KCNH8: variants seen among roughly 807,000 people sequenced by gnomAD.
KCNH8 encodes voltage-gated delayed rectifier potassium channel KCNH8.
A neutral mutation model predicts 103.6 loss-of-function variants in KCNH8; 70 were observed. The observed-to-expected ratio is 0.68, with a 90% confidence interval of 0.56 to 0.82. The LOEUF is 0.82. Ranked by LOEUF, KCNH8 falls within the 40% of genes least tolerant of loss-of-function variation. The probability of loss-of-function intolerance (pLI) is 0.00; values close to 1 mark genes in which losing one functional copy is unlikely to be tolerated. For missense variants in KCNH8, 1,217 were observed against 1,329.9 expected, an observed-to-expected ratio of 0.92 and a Z score of 1.32; for synonymous variants, 498 against 489.4, an observed-to-expected ratio of 1.02 and a Z score of -0.23.
intron 5 of KCNH8, among the ~76,000 whole-genome samples, chr3:19,364,952 C>T (rs763783602): frequency 2.6e-5 from 4 of 152,116 alleles, no homozygotes; most frequent in Non-Finnish European, 5.9e-5. Flanking sequence ...CCATATGAAA[C>T]TGCAGAGCAG....
chr3:19,260,849 G>A (rs1393823944), intron 2 of KCNH8, among the ~76,000 whole-genome samples: 7 of 149,108 alleles, frequency 4.7e-5, no homozygotes, highest in African/African-American at 7.3e-5. Context: ...ATATAAGTGA[G>A]ATAATGCAAG....
chr3:19,418,018 G>A (rs776519571), intron 7 of KCNH8, among the ~76,000 whole-genome samples: 1 of 152,158 alleles, frequency 6.6e-6, no homozygotes, highest in Non-Finnish European at 1.5e-5. Flanking sequence ...TTAGTTTGAT[G>A]TATGTTTGCA....
intron 15 of KCNH8, among the ~76,000 whole-genome samples, chr3:19,526,359 T>A (rs992284665): frequency 2.0e-5 from 3 of 151,928 alleles, no homozygotes; most frequent in African/African-American, 7.2e-5. Flanking sequence ...GCACAAGAAT[T>A]TTACACCAAT....
intron 1 of KCNH8, among the ~76,000 whole-genome samples, chr3:19,178,935 C>A (rs560587418): frequency 5.9e-5 from 9 of 152,026 alleles, no homozygotes; most frequent in Non-Finnish European, 1.3e-4. Context: ...AGATGCGACA[C>A]TAAAAGCAAA....
chr3:19,312,533 C>CT (rs1417033373), intron 3 of KCNH8, among the ~76,000 whole-genome samples: 4 of 151,892 alleles, frequency 2.6e-5, no homozygotes, highest in Non-Finnish European at 5.9e-5. Flanking sequence ...AATGGGAACT[C>CT]TGACTACCTG....
chr3:19,453,756 C>T (rs1422817557), intron 10 of KCNH8, among the ~76,000 whole-genome samples: 1 of 152,098 alleles, frequency 6.6e-6, no homozygotes, highest in Non-Finnish European at 1.5e-5. Flanking sequence ...TTGTGAATCA[C>T]AAAATGAGCC....
At chr3:19,287,059 T>C (rs1438617429) in intron 3 of KCNH8, among the ~76,000 whole-genome samples, 1 of 151,490 alleles carries the variant, frequency 6.6e-6, no homozygotes, top group Non-Finnish European at 1.5e-5. Flanking sequence ...GAGAGAGTTA[T>C]GGACTGAAGG....
At chr3:19,184,964 T>G (rs2063488770) in intron 1 of KCNH8, among the ~76,000 whole-genome samples, 1 of 151,958 alleles carries the variant, frequency 6.6e-6, no homozygotes, top group African/African-American at 2.4e-5. Context: ...TTTTGTTATT[T>G]TATATTGGCA....
chr3:19,490,969 C>T (rs2068307331), intron 11 of KCNH8, among the ~76,000 whole-genome samples: 1 of 152,078 alleles, frequency 6.6e-6, no homozygotes, highest in Non-Finnish European at 1.5e-5. Context: ...TCACTTCTAG[C>T]TTTAAAATGC....
In KCNH8 at chr3:19,513,241, C is replaced by G. The variant is rs767972129; in HGVS notation, c.2351C>G (p.Pro784Arg). Residue 784 changes from proline to arginine, a missense_variant, in exon 13 of 16, where the codon CCC becomes CGC. Around this residue, in one of 3 missense-constraint regions of KCNH8, gnomAD observed 558 missense variants for 495.8 expected, o/e 1.13. Coordinates refer to ENST00000328405, the MANE Select transcript of KCNH8 (RefSeq NM_144633.3). ...SPKTKQEIDP[P>R]NHNKRKEKNL... ...AAAACCAAGCAGGAAATTGACCCCC[C>G]CAACCATAATAAAAGGAAAGAGAAG... 20 of 1,613,790 alleles carry G rather than the reference C, an allele frequency of 1.2e-5. No homozygotes were observed. Among genetic ancestry groups the G allele is most frequent in the Middle Eastern group, 1.7e-4 (1 of 6,056 alleles).
chr3:19,247,260 G>A (rs1318203922), intron 1 of KCNH8, among the ~76,000 whole-genome samples: 1 of 152,190 alleles, frequency 6.6e-6, no homozygotes, highest in East Asian at 1.9e-4. Context: ...AAGTCATGCT[G>A]TAAACTTTAG....
chr3:19,358,274 TTC>T (rs71806258), intron 5 of KCNH8, among the ~76,000 whole-genome samples: 15,484 of 151,050 alleles, frequency 0.1, 841 homozygotes, highest in Middle Eastern at 0.16. Context: ...TTTTTCCTTC[TTC>T]TCTCTTTCTC....
At chr3:19,303,709 A>G (rs998917601) in intron 3 of KCNH8, among the ~76,000 whole-genome samples, 2 of 152,254 alleles carry the variant, frequency 1.3e-5, no homozygotes, top group Non-Finnish European at 2.9e-5. Context: ...GGGTTCTGAT[A>G]TAGTCACAAA....
intron 3 of KCNH8, among the ~76,000 whole-genome samples, chr3:19,286,705 A>G (rs1405302808): frequency 6.6e-6 from 1 of 152,236 alleles, no homozygotes; most frequent in Non-Finnish European, 1.5e-5. Context: ...TGCCCAATGC[A>G]ATGTAAATGC....
chr3:19,515,446 T>A lies in KCNH8; in HGVS notation c.2542+18T>A. The A allele has an allele frequency of 7.8e-7, 1 of 1,286,342 alleles. No homozygotes were observed. The highest frequency in any genetic ancestry group is 1.1e-6 in the Non-Finnish European group (1 of 938,980). 79.7% of individuals were successfully genotyped at this position (1,286,342 alleles called of 1,614,324 possible). A position where few individuals can be genotyped will look rare whatever the true frequency, so the allele number is the denominator to read the frequency against. ...TCTTGGAGGTAAGATCTATATTTAG[T>A]CTTCTCCTAAGGTAAAATATTTCTT... is the stretch of plus-strand genomic sequence containing the variant. On this transcript the variant is annotated intron_variant, in intron 14 of 15. Coordinates refer to ENST00000328405, the MANE Select transcript of KCNH8 (RefSeq NM_144633.3).
intron 11 of KCNH8, among the ~76,000 whole-genome samples, chr3:19,505,887 G>A (rs1185183730): frequency 1.3e-5 from 2 of 151,986 alleles, no homozygotes; most frequent in South Asian, 2.1e-4. Flanking sequence ...TGTATTTTCT[G>A]TTTTACTGAG....
intron 5 of KCNH8, among the ~76,000 whole-genome samples, chr3:19,361,769 G>A (rs2065949895): frequency 6.6e-6 from 1 of 152,024 alleles, no homozygotes; most frequent in African/African-American, 2.4e-5. Context: ...TGCTTAAAAT[G>A]CTTTATTAAC....
intron 1 of KCNH8, among the ~76,000 whole-genome samples, chr3:19,220,560 C>G (rs562196729): frequency 1.3e-5 from 2 of 151,964 alleles, no homozygotes; most frequent in African/African-American, 4.8e-5. Context: ...AGGAAGGACT[C>G]CCTACACAGA....
intron 5 of KCNH8, among the ~76,000 whole-genome samples, chr3:19,371,792 G>A (rs2066100355): frequency 1.3e-5 from 2 of 151,372 alleles, no homozygotes; most frequent in Admixed American, 6.6e-5. Flanking sequence ...TTTTGTATAA[G>A]ATGTAAGGAA....
Sources: gnomAD v4.1 joint callset for allele counts (sites outside exome capture counted in the v4.1 genomes callset) on GRCh38, gnomAD v4.1.1 for gene constraint, gnomAD v4.1.1 regional missense constraint, MANE v1.5 for transcripts, NCBI Gene and HGNC (gene_info 2026-07-23, HGNC 2026-07-21) for gene names.